Variants in PPM1E observed in about 807,000 individuals in gnomAD.
PPM1E encodes the protein protein phosphatase, Mg2+/Mn2+ dependent 1E.
Under a neutral mutation model 65.9 loss-of-function variants are expected in PPM1E, and 20 were observed. That is an observed-to-expected ratio of 0.30 (90% confidence interval 0.21 to 0.44). The LOEUF (loss-of-function observed/expected upper bound fraction) is 0.44, where lower values mean the gene tolerates loss of function less well. Among genes scored for constraint, PPM1E ranks in the 20% least tolerant of loss-of-function variants. PPM1E has a pLI of 1.00. For synonymous variants in PPM1E, 352 were observed against 374.9 expected (o/e 0.94, Z 0.70); for missense variants, 713 against 953.1 (o/e 0.75, Z 3.32).
intron 1 of PPM1E, among the ~76,000 whole-genome samples, chr17:58,910,401 T>C (rs1032405756): frequency 6.6e-6 from 1 of 152,196 alleles, no homozygotes; most frequent in Non-Finnish European, 1.5e-5. Flanking sequence ...TTTTTGCATG[T>C]TGTCTACGTT....
At chr17:58,847,459 G>GA (rs1274674967) in intron 1 of PPM1E, among the ~76,000 whole-genome samples, 4 of 152,162 alleles carry the variant, frequency 2.6e-5, no homozygotes, top group African/African-American at 9.7e-5. Context: ...AAGGTGTAAG[G>GA]AAGGGATCCA....
intron 1 of PPM1E, among the ~76,000 whole-genome samples, chr17:58,802,883 A>T (rs2050272009): frequency 1.3e-5 from 2 of 151,410 alleles, no homozygotes; most frequent in Admixed American, 6.6e-5. Context: ...GTTTTTTTTT[A>T]TCCTACAAAT....
intron 1 of PPM1E, among the ~76,000 whole-genome samples, chr17:58,955,333 C>T (rs2029868861): frequency 6.6e-6 from 1 of 152,164 alleles, no homozygotes; most frequent in South Asian, 2.1e-4. Flanking sequence ...CCATTGCACT[C>T]CAGCCTGGGC....
chr17:58,847,998 T>C lies in PPM1E; in HGVS notation c.464+91537T>C, dbSNP rs2050788737. ...AAGAGGTCCTTCACATCCCTTGTAA[T>C]TGGATTTCCAGGTTTTTTATTCTCT... On this transcript the variant is annotated intron_variant, in intron 1 of 6. Transcript: ENST00000308249. Among the ~76,000 whole-genome samples, 3 of 152,146 alleles carry C rather than the reference T, an allele frequency of 2.0e-5. No homozygotes were observed. In the South Asian group the frequency reaches 6.2e-4, roughly 32 times the overall value.
At chr17:58,937,252 T>G (rs1237137158) in intron 1 of PPM1E, among the ~76,000 whole-genome samples, 4 of 150,830 alleles carry the variant, frequency 2.7e-5, no homozygotes, top group Non-Finnish European at 5.9e-5. Context: ...ATTTATCATG[T>G]AGGCCTGTCT....
intron 1 of PPM1E, among the ~76,000 whole-genome samples, chr17:58,850,639 G>A (rs1216238047): frequency 6.6e-6 from 1 of 152,212 alleles, no homozygotes; most frequent in Non-Finnish European, 1.5e-5. Flanking sequence ...TTTCTGCCAA[G>A]AGATCCGCTA....
intron 1 of PPM1E, among the ~76,000 whole-genome samples, chr17:58,778,927 CATATATATATATAT>C (rs59563297): frequency 1.2e-4 from 12 of 103,706 alleles, no homozygotes; most frequent in East Asian, 4.8e-4. Flanking sequence ...ATGATACATA[CATATATATATATAT>C]ATATATATAT....
At chr17:58,970,743 G>T (rs535510481) in intron 4 of PPM1E, among the ~76,000 whole-genome samples, 45 of 152,094 alleles carry the variant, frequency 3.0e-4, no homozygotes, top group African/African-American at 1.1e-3. Flanking sequence ...GGTGGGTCTG[G>T]AGAATAAAGC....
At chr17:58,827,486 A>G (rs2050550737) in intron 1 of PPM1E, among the ~76,000 whole-genome samples, 1 of 152,092 alleles carries the variant, frequency 6.6e-6, no homozygotes, top group Admixed American at 6.6e-5. Flanking sequence ...ATCTTATACC[A>G]ATGTTTTATC....
chr17:58,952,851 T>C (rs1018628392), intron 1 of PPM1E, among the ~76,000 whole-genome samples: 28 of 152,208 alleles, frequency 1.8e-4, no homozygotes, highest in Admixed American at 1.0e-3. Flanking sequence ...TTTTTTTGTA[T>C]TTTTAGTAGA....
At chr17:58,869,270 T>C (rs1050797966) in intron 1 of PPM1E, among the ~76,000 whole-genome samples, 12 of 152,206 alleles carry the variant, frequency 7.9e-5, no homozygotes, top group Non-Finnish European at 1.8e-4. Flanking sequence ...CCCAAATCTT[T>C]CATAGTGTGA....
intron 1 of PPM1E, among the ~76,000 whole-genome samples, chr17:58,868,435 C>T (rs2051030475): frequency 1.3e-5 from 2 of 152,224 alleles, no homozygotes; most frequent in African/African-American, 4.8e-5. Flanking sequence ...ATTTCAGTTA[C>T]TCCTAAGGTA....
chr17:58,873,702 T>G (rs2051098052), intron 1 of PPM1E, among the ~76,000 whole-genome samples: 1 of 151,148 alleles, frequency 6.6e-6, no homozygotes, highest in Non-Finnish European at 1.5e-5. Flanking sequence ...CAAGTGATCC[T>G]CCTGCCTCAG....
At chr17:58,786,705 T>C (rs968265695) in intron 1 of PPM1E, among the ~76,000 whole-genome samples, 1 of 152,202 alleles carries the variant, frequency 6.6e-6, no homozygotes, top group Admixed American at 6.5e-5. Context: ...AGTAAAACCA[T>C]GAATAAAGAG....
chr17:58,801,440 C>CTTTTTT (rs35970989), intron 1 of PPM1E, among the ~76,000 whole-genome samples: 1 of 101,146 alleles, frequency 9.9e-6, no homozygotes, highest in African/African-American at 4.0e-5. Flanking sequence ...CCCCTTCAGT[C>CTTTTTT]TTTTTTTTTT....
At chr17:58,888,336 T>C (rs1210481097) in intron 1 of PPM1E, among the ~76,000 whole-genome samples, 1 of 151,636 alleles carries the variant, frequency 6.6e-6, no homozygotes, top group Non-Finnish European at 1.5e-5. Flanking sequence ...AATATTGATG[T>C]CTTGTTCCCT....
chr17:58,937,298 C>G (rs1316334264), intron 1 of PPM1E, among the ~76,000 whole-genome samples: 1 of 136,698 alleles, frequency 7.3e-6, no homozygotes, highest in Non-Finnish European at 1.5e-5. Flanking sequence ...GAGTCTCACT[C>G]TGTTGCCCAG....
intron 1 of PPM1E, among the ~76,000 whole-genome samples, chr17:58,788,354 T>C (rs2050123526): frequency 6.6e-6 from 1 of 152,136 alleles, no homozygotes; most frequent in Admixed American, 6.6e-5. Flanking sequence ...TTGATTTTCA[T>C]CCAAAGAGTT....
Position 58,965,721 on chromosome 17 carries a change from C to G in PPM1E, c.611C>G (p.Ser204Cys), listed in dbSNP as rs767591305. Residue 204 changes from serine to cysteine, a missense_variant, in exon 3 of 7, where the codon TCT (serine) becomes TGT (cysteine). This residue lies in a region of PPM1E where 84 missense variants were observed against 113.9 expected (regional missense o/e 0.74). Coordinates refer to ENST00000308249, the MANE Select transcript of PPM1E (RefSeq NM_014906.5). ...VEIETVKLAR[S>C]VFSKLHEICC... ...ATTGAGACAGTGAAATTGGCCCGTTCTGTCTTCAGCAAACTACACGAGATT... is the reference window on the plus strand; with the variant it reads ...ATTGAGACAGTGAAATTGGCCCGTTGTGTCTTCAGCAAACTACACGAGATT... 4 of 1,614,038 alleles carry G rather than the reference C, an allele frequency of 2.5e-6. No individual in the cohort carries two copies. In the Admixed American group the frequency reaches 5.0e-5, roughly 20 times the overall value.
Sources: allele counts gnomAD v4.1 joint callset (sites outside exome capture counted in the v4.1 genomes callset), GRCh38; gene constraint gnomAD v4.1.1; regional missense constraint gnomAD v4.1.1; transcripts MANE v1.5; gene names NCBI Gene and HGNC (gene_info 2026-07-23, HGNC 2026-07-21).